RAPGEF2: variants seen among roughly 807,000 people sequenced by gnomAD.
RAPGEF2 encodes Rap guanine nucleotide exchange factor 2.
RAPGEF2 carries 54 observed loss-of-function variants against 186.7 expected under a neutral mutation model. That is an observed-to-expected ratio of 0.29 (90% CI 0.23 to 0.36). The LOEUF (loss-of-function observed/expected upper bound fraction) is 0.36, where lower values mean the gene tolerates loss of function less well. Ranked by LOEUF, RAPGEF2 falls within the 10% of genes least tolerant of loss-of-function variation. The pLI is 1.00. For synonymous variants in RAPGEF2, 712 were observed against 705.9 expected, an observed-to-expected ratio of 1.01 and a Z score of -0.14; for missense variants, 1,532 against 2,045.0, an observed-to-expected ratio of 0.75 and a Z score of 4.84.
intron 4 of RAPGEF2, among the ~76,000 whole-genome samples, chr4:159,232,621 C>T (rs1287370112): frequency 6.6e-6 from 1 of 152,066 alleles, no homozygotes; most frequent in African/African-American, 2.4e-5. Context: ...TGAGTCCCTG[C>T]TCTCAGTTCT....
At chr4:159,243,915 A>G (rs1282845653) in intron 7 of RAPGEF2, 124 bp downstream of exon 7, 17 of 713,508 alleles carry the variant, frequency 2.4e-5, no homozygotes, top group Non-Finnish European at 6.4e-6. Context: ...ATTTTGCCCT[A>G]ATTTACTTTG....
At chr4:159,357,821 C>A (rs544543544) in intron 29 of RAPGEF2, among the ~76,000 whole-genome samples, 2 of 152,030 alleles carry the variant, frequency 1.3e-5, no homozygotes, top group East Asian at 3.9e-4. Flanking sequence ...TTTTAAATGG[C>A]ACATGCTATT....
chr4:159,218,357 T>G (rs1045969663), intron 4 of RAPGEF2, among the ~76,000 whole-genome samples: 2 of 152,230 alleles, frequency 1.3e-5, no homozygotes, highest in African/African-American at 4.8e-5. Context: ...TATACTGGTC[T>G]TATATACCCT....
intron 3 of RAPGEF2, among the ~76,000 whole-genome samples, chr4:159,199,908 T>C (rs1264943268): frequency 6.6e-6 from 1 of 152,214 alleles, no homozygotes; most frequent in Admixed American, 6.5e-5. Context: ...AAGAGACATT[T>C]GTAAATTAAT....
chr4:159,354,447 T>C (rs1027609062), intron 28 of RAPGEF2, among the ~76,000 whole-genome samples: 1 of 152,240 alleles, frequency 6.6e-6, no homozygotes, highest in African/African-American at 2.4e-5. Context: ...CTTGATTGTA[T>C]TTAGAACTAT....
chr4:159,157,459 C>T (rs187280820), intron 1 of RAPGEF2, among the ~76,000 whole-genome samples: 60 of 152,220 alleles, frequency 3.9e-4, no homozygotes, highest in Non-Finnish European at 6.3e-4. Context: ...TTATTGTGTT[C>T]TTTATAGTTT....
At chr4:159,197,378 T>C (rs1414721180) in intron 3 of RAPGEF2, among the ~76,000 whole-genome samples, 1 of 152,174 alleles carries the variant, frequency 6.6e-6, no homozygotes, top group East Asian at 1.9e-4. Flanking sequence ...TTTAACGTGC[T>C]CAAAACCTTT....
chr4:159,206,353 G>C (rs556240713), intron 3 of RAPGEF2, among the ~76,000 whole-genome samples: 2 of 152,092 alleles, frequency 1.3e-5, no homozygotes, highest in Non-Finnish European at 2.9e-5. Flanking sequence ...TGAGTGTGTC[G>C]TAAAGACAAA....
At chr4:159,171,095 TA>T (rs1468251855) in intron 1 of RAPGEF2, among the ~76,000 whole-genome samples, 1 of 152,192 alleles carries the variant, frequency 6.6e-6, no homozygotes, top group East Asian at 1.9e-4. Flanking sequence ...GCAACATTGT[TA>T]TTTTACTTTA....
At chr4:159,342,152 T>C (rs1402495872) in intron 20 of RAPGEF2, among the ~76,000 whole-genome samples, 3 of 152,220 alleles carry the variant, frequency 2.0e-5, no homozygotes, top group East Asian at 1.9e-4. Flanking sequence ...CTGAAGAGAT[T>C]TGAAGAAGCC....
At chr4:159,133,791 G>T (rs920137409) in intron 1 of RAPGEF2, among the ~76,000 whole-genome samples, 3 of 152,114 alleles carry the variant, frequency 2.0e-5, no homozygotes, top group African/African-American at 4.8e-5. Context: ...CACCGTGTTA[G>T]CCAGGATGGT....
intron 1 of RAPGEF2, among the ~76,000 whole-genome samples, chr4:159,126,357 T>C (rs1257699480): frequency 6.6e-6 from 1 of 152,174 alleles, no homozygotes; most frequent in Non-Finnish European, 1.5e-5. Flanking sequence ...GAAAGCCCAG[T>C]GTAAAGCAAT....
chr4:159,336,527 C>T (rs913472109), intron 17 of RAPGEF2, among the ~76,000 whole-genome samples: 10 of 152,268 alleles, frequency 6.6e-5, no homozygotes, highest in Admixed American at 6.5e-4. Flanking sequence ...GAGTAATATT[C>T]TGTGGTGTAG....
chr4:159,280,459 C>G (rs748480804), intron 7 of RAPGEF2, among the ~76,000 whole-genome samples: 1 of 152,158 alleles, frequency 6.6e-6, no homozygotes, highest in Non-Finnish European at 1.5e-5. Context: ...GGTCTCTACT[C>G]TCTGAAAAGA....
At chr4:159,168,096 G>T (rs1272063800) in intron 1 of RAPGEF2, among the ~76,000 whole-genome samples, 1 of 152,290 alleles carries the variant, frequency 6.6e-6, no homozygotes, top group African/African-American at 2.4e-5. Flanking sequence ...CTCAAAACAG[G>T]TTTAGAATTT....
At chr4:159,322,733 G>A (rs533357426) in intron 10 of RAPGEF2, among the ~76,000 whole-genome samples, 1 of 152,286 alleles carries the variant, frequency 6.6e-6, no homozygotes, top group South Asian at 2.1e-4. Context: ...GGCTGGGGAG[G>A]CCTCAGAATC....
At chr4:159,181,053 C>T (rs188807134) in intron 1 of RAPGEF2, among the ~76,000 whole-genome samples, 1 of 152,292 alleles carries the variant, frequency 6.6e-6, no homozygotes, top group East Asian at 1.9e-4. Flanking sequence ...CATACTAACA[C>T]ACATAATGTG....
intron 7 of RAPGEF2, among the ~76,000 whole-genome samples, chr4:159,301,734 C>T (rs1762698863): frequency 6.6e-6 from 1 of 152,144 alleles, no homozygotes; most frequent in African/African-American, 2.4e-5. Context: ...TGGCATGTGC[C>T]TGTGGTTCCA....
At chr4:159,166,737 C>A (rs1266556954) in intron 1 of RAPGEF2, among the ~76,000 whole-genome samples, 8 of 151,998 alleles carry the variant, frequency 5.3e-5, no homozygotes, top group Non-Finnish European at 1.0e-4. Context: ...ATTAAAAAAA[C>A]CGACAATAAA....
Sources: allele counts gnomAD v4.1 joint callset (sites outside exome capture counted in the v4.1 genomes callset), GRCh38; gene constraint gnomAD v4.1.1; transcripts MANE v1.5; gene names NCBI Gene and HGNC (gene_info 2026-07-23, HGNC 2026-07-21).